Variants in MRRF observed in about 807,000 individuals in gnomAD.
MRRF encodes the protein mitochondrial ribosome recycling factor, also known as ribosome-recycling factor, mitochondrial.
MRRF carries 18 observed loss-of-function variants against 25.1 expected under a neutral mutation model. The ratio of observed to expected loss-of-function variants is 0.72; its 90% CI spans 0.50 to 1.06. The LOEUF (loss-of-function observed/expected upper bound fraction) is 1.06, where lower values mean the gene tolerates loss of function less well. Among genes scored for constraint, MRRF ranks in the 50% least tolerant of loss-of-function variants. The pLI is 0.00. For synonymous variants in MRRF, 113 were observed against 112.1 expected (o/e 1.01, Z -0.05); for missense variants, 323 against 319.3 (o/e 1.01, Z -0.09).
intron 2 of MRRF, among the ~76,000 whole-genome samples, chr9:122,278,942 G>A (rs1832938149): frequency 6.6e-6 from 1 of 151,366 alleles, no homozygotes; most frequent in Admixed American, 6.6e-5. Flanking sequence ...CACTGATCTC[G>A]GCTCACTGCA....
chr9:122,279,675 TA>T (rs1174677426), intron 2 of MRRF, among the ~76,000 whole-genome samples: 2 of 152,210 alleles, frequency 1.3e-5, no homozygotes, highest in African/African-American at 4.8e-5. Flanking sequence ...GATTTAGACA[TA>T]AAATGAAATT....
rs745798484 is a variant in MRRF, at chr9:122,323,488, C to G, written c.*871C>G. The G allele has an allele frequency of 1.3e-5, 2 of 152,264 alleles. No homozygotes were observed. The highest frequency in any genetic ancestry group is 2.9e-5 in the Non-Finnish European group (2 of 68,060). The allele number at this position is 152,264 out of a possible 1,614,324, so 9.4% of individuals were successfully genotyped here. ...AATGCTGACTTCTTTTCTTTCTAGTCTTAACACTCCCTTTCTATCATTTTC... is the reference window on the plus strand; with the variant it reads ...AATGCTGACTTCTTTTCTTTCTAGTGTTAACACTCCCTTTCTATCATTTTC... On this transcript the variant is annotated 3_prime_UTR_variant, in exon 7 of 7. Transcript: ENST00000344641.
chr9:122,288,356 T>C (rs1833545439), intron 4 of MRRF, among the ~76,000 whole-genome samples: 1 of 152,230 alleles, frequency 6.6e-6, no homozygotes, highest in Non-Finnish European at 1.5e-5. Flanking sequence ...CTTTCTCATG[T>C]TTTGTTTCCT....
Position 122,270,856 on chromosome 9 carries a change from CT to C in MRRF, c.-28-3del. The C allele has an allele frequency of 6.2e-7, 1 of 1,610,112 alleles. No homozygotes were observed. On this transcript the variant is annotated splice_polypyrimidine_tract_variant and splice_region_variant and intron_variant, in intron 1 of 6. Transcript: ENST00000344641. ...ACTTAGATCTGCTTTTTGTCTTATT[CT>C]TTTTAGTGGATGTTTCCAAGGATTG...
intron 2 of MRRF, among the ~76,000 whole-genome samples, chr9:122,271,303 A>G (rs1216872349): frequency 1.3e-5 from 2 of 152,234 alleles, no homozygotes; most frequent in Admixed American, 1.3e-4. Flanking sequence ...TTTTCTTGGT[A>G]GCTCAGAAAA....
intron 3 of MRRF, among the ~76,000 whole-genome samples, 153 bp from the exon 4 acceptor site, chr9:122,285,016 A>G (rs962251211): frequency 6.6e-6 from 1 of 152,204 alleles, no homozygotes; most frequent in African/African-American, 2.4e-5. Context: ...GTCTCAAACT[A>G]CTGCCCTCAA....
At chr9:122,314,788 A>G (rs1224104913) in intron 6 of MRRF, among the ~76,000 whole-genome samples, 1 of 152,198 alleles carries the variant, frequency 6.6e-6, no homozygotes, top group East Asian at 1.9e-4. Context: ...CCAGCCAGGA[A>G]GTGATGGTGG....
intron 5 of MRRF, among the ~76,000 whole-genome samples, chr9:122,294,394 A>T (rs900550979): frequency 6.6e-6 from 1 of 152,242 alleles, no homozygotes; most frequent in African/African-American, 2.4e-5. Context: ...GTTTAACTCG[A>T]ATTTCCAAAG....
chr9:122,314,957 G>C (rs1835421716), intron 6 of MRRF, among the ~76,000 whole-genome samples: 1 of 152,106 alleles, frequency 6.6e-6, no homozygotes, highest in Non-Finnish European at 1.5e-5. Flanking sequence ...GGAGTGAAGA[G>C]AGAAGCGAGA....
intron 4 of MRRF, among the ~76,000 whole-genome samples, chr9:122,289,593 ATC>A (rs1247843477): frequency 6.6e-6 from 1 of 151,822 alleles, no homozygotes; most frequent in South Asian, 2.1e-4. Flanking sequence ...TAACTTTAGA[ATC>A]TGTTTTTTTT....
chr9:122,318,090 C>T lies in MRRF; in HGVS notation c.712-4450C>T, dbSNP rs571407851. Among the ~76,000 whole-genome samples, 7 of 152,178 alleles carry T rather than the reference C, an allele frequency of 4.6e-5. No individual in the cohort carries two copies. The South Asian group carries it at 6.2e-4, about 14-fold the overall frequency. On this transcript the variant is annotated intron_variant, in intron 6 of 6. Coordinates refer to ENST00000344641, the MANE Select transcript of MRRF (RefSeq NM_138777.5). ...AGGCAGAGCTGCAGTGAGCCGAAAT[C>T]GCGCCACTACATTCCAGCCTGGGTG... is the stretch of plus-strand genomic sequence containing the variant.
chr9:122,268,520 G>A (rs930392266), intron 1 of MRRF, among the ~76,000 whole-genome samples: 2 of 152,222 alleles, frequency 1.3e-5, no homozygotes, highest in African/African-American at 4.8e-5. Context: ...CCAAACCTCT[G>A]TGAACAGTTC....
At position 122,297,917 on chromosome 9, in the gene MRRF, C is replaced by T. The variant is rs147540580; in HGVS notation, c.551+6077C>T. ...AAACCCGATTGGTATTTTAATGCCT[C>T]CCCTGGCTCACTGTACGGCAATAAT... On this transcript the variant is annotated intron_variant, in intron 5 of 6. Transcript: ENST00000344641. Among the ~76,000 whole-genome samples the T allele has an allele frequency of 3.3e-4, 50 of 152,260 alleles. No individual in the cohort carries two copies. In the East Asian group the frequency reaches 9.6e-3, roughly 29 times the overall value.
Position 122,326,599 on chromosome 9 carries a change from T to A in MRRF, c.*3982T>A, listed in dbSNP as rs1836150031. The A allele has an allele frequency of 6.6e-6, 1 of 152,192 alleles. No homozygotes were observed. The highest frequency in any genetic ancestry group is 1.5e-5 in the Non-Finnish European group (1 of 68,028). The allele number at this position is 152,192 out of a possible 1,614,324, so 9.4% of individuals were successfully genotyped here. On this transcript the variant is annotated 3_prime_UTR_variant, in exon 7 of 7. Coordinates refer to ENST00000344641, the MANE Select transcript of MRRF (RefSeq NM_138777.5). ...TTAATTCACTATTAGCCCATGACAC[T>A]ATTTAAAAATTATTTCACATGCATT...
At chr9:122,279,418 T>A (rs537108181) in intron 2 of MRRF, among the ~76,000 whole-genome samples, 1 of 152,244 alleles carries the variant, frequency 6.6e-6, no homozygotes, top group Non-Finnish European at 1.5e-5. Flanking sequence ...GAAATTGCAT[T>A]GCAAGTTATA....
chr9:122,272,120 T>C (rs147692074), intron 2 of MRRF, among the ~76,000 whole-genome samples: 78 of 152,380 alleles, frequency 5.1e-4, no homozygotes, highest in African/African-American at 1.9e-3. Flanking sequence ...GAAGGAATTA[T>C]AATTTTCCAT....
At chr9:122,304,815 C>T (rs529724213) in intron 5 of MRRF, among the ~76,000 whole-genome samples, 2 of 152,138 alleles carry the variant, frequency 1.3e-5, no homozygotes, top group African/African-American at 4.8e-5. Flanking sequence ...CTAGCACCAA[C>T]AAGAGAGGAA....
rs575822836 is a variant in MRRF, at chr9:122,292,596, G to T, written c.551+756G>T. On this transcript the variant is annotated intron_variant, in intron 5 of 6. Transcript: ENST00000344641. The stretch of plus-strand genomic sequence containing the variant: ...GAGAGGGTGGTAGGAGAGGAGGTTG[G>T]ACTAGTCAGTAGAGGCTGATGGTTT... 3.9e-4 allele frequency among the ~76,000 whole-genome samples: 59 copies of T among 152,244 alleles called. 1 individual carries two copies. The highest frequency in any genetic ancestry group is 1.3e-3 in the African/African-American group (55 of 41,546).
intron 4 of MRRF, among the ~76,000 whole-genome samples, chr9:122,290,993 A>G (rs1248460840): frequency 6.6e-6 from 1 of 152,188 alleles, no homozygotes; most frequent in Non-Finnish European, 1.5e-5. Flanking sequence ...TAATATGTTC[A>G]TATAACTGCC....
Sources: gnomAD v4.1 joint callset for allele counts (sites outside exome capture counted in the v4.1 genomes callset) on GRCh38, gnomAD v4.1.1 for gene constraint, MANE v1.5 for transcripts, NCBI Gene and HGNC (gene_info 2026-07-23, HGNC 2026-07-21) for gene names.